C8B: variants seen among roughly 807,000 people sequenced by gnomAD.
C8B encodes complement component C8 beta chain.
A neutral mutation model predicts 64.6 loss-of-function variants in C8B; 67 were observed. The observed-to-expected ratio is 1.04, with a 90% CI of 0.85 to 1.27. The LOEUF is 1.27. Among genes scored for constraint, C8B ranks in the 50% most tolerant of loss-of-function variants. The pLI is 0.00. For synonymous variants in C8B, 284 were observed against 257.7 expected, an observed-to-expected ratio of 1.10 and a Z score of -0.98; for missense variants, 790 against 725.2, an observed-to-expected ratio of 1.09 and a Z score of -1.03.
At chr1:56,952,205 GA>G in intron 4 of C8B, 25 bp from the exon 5 acceptor site, 1 of 1,613,652 alleles carries the variant, frequency 6.2e-7, no homozygotes, top group Non-Finnish European at 8.5e-7. Context: ...CAGAGATGGC[GA>G]AGAGGTTAAA....
chr1:56,938,826 A>T (rs1644809358), intron 9 of C8B, among the ~76,000 whole-genome samples: 2 of 152,258 alleles, frequency 1.3e-5, no homozygotes, highest in Middle Eastern at 6.8e-3. Flanking sequence ...CTACCTGGTA[A>T]GTTGGCTTTG....
At chr1:56,949,804 C>G in intron 5 of C8B, 52 bp from the exon 6 acceptor site, 1 of 1,281,154 alleles carries the variant, frequency 7.8e-7, no homozygotes, top group Non-Finnish European at 1.1e-6. Flanking sequence ...CAAATCAGTT[C>G]AATACCAGTG....
At chr1:56,942,971 C>T (rs984476908) in intron 8 of C8B, among the ~76,000 whole-genome samples, 9 of 151,556 alleles carry the variant, frequency 5.9e-5, no homozygotes, top group East Asian at 3.9e-4. Flanking sequence ...TGGCATGCAC[C>T]GGTAGTCCCA....
chr1:56,946,042 G>A lies in C8B; in HGVS notation c.884C>T (p.Ala295Val), dbSNP rs1644936951. Residue 295 changes from alanine to valine, a missense_variant, in exon 7 of 12, where the codon GCA (alanine) becomes GTA (valine). By Grantham distance (64) the Ala-to-Val change is moderately conservative (BLOSUM62 0). Coordinates refer to ENST00000371237, the MANE Select transcript of C8B (RefSeq NM_000066.4). The stretch of plus-strand genomic sequence containing the variant: ...ATGTGCTACTTCAAGGTCAGAGCGT[G>A]CATGCAGAAATACGCTTTTCTAAAT... ...FSHTKSVFLH[A>V]RSDLEVAHYK... is the part of the protein sequence containing the mutation. The A allele has an allele frequency of 1.9e-6, 3 of 1,614,098 alleles. No individual in the cohort carries two copies. The highest frequency in any genetic ancestry group is 2.2e-5 in the South Asian group (2 of 91,080).
Position 56,929,290 on chromosome 1 carries a change from A to T in C8B, c.*114T>A. The T allele has an allele frequency of 9.6e-7, 1 of 1,045,942 alleles. No individual in the cohort carries two copies. Among genetic ancestry groups the T allele is most frequent in the Non-Finnish European group, 1.5e-6 (1 of 664,492 alleles). The allele number at this position is 1,045,942 out of a possible 1,614,324, so 64.8% of individuals were successfully genotyped here. ...CTTTATTTTAAACAGCTTGCATGGC[A>T]CTGCCTTTTGCCCTTGCATGAACTC... is the stretch of plus-strand genomic sequence containing the variant. On this transcript the variant is annotated 3_prime_UTR_variant, in exon 12 of 12. Coordinates refer to ENST00000371237, the MANE Select transcript of C8B (RefSeq NM_000066.4).
chr1:56,964,909 T>A (rs1053317695), intron 1 of C8B, among the ~76,000 whole-genome samples: 5 of 152,180 alleles, frequency 3.3e-5, no homozygotes, highest in African/African-American at 1.2e-4. Flanking sequence ...GCTTAGTTAT[T>A]CTCTGGGCTA....
chr1:56,953,986 T>A (rs1645062937), intron 4 of C8B, among the ~76,000 whole-genome samples: 1 of 152,212 alleles, frequency 6.6e-6, no homozygotes, highest in Non-Finnish European at 1.5e-5. Flanking sequence ...TGGGTTTTTT[T>A]AGAAAGAAGG....
intron 2 of C8B, chr1:56,959,432 A>C: frequency 1.4e-6 from 1 of 734,526 alleles, no homozygotes; most frequent in Non-Finnish European, 2.4e-6. Context: ...GCTGAGGAGG[A>C]GTCAAAAAGC....
intron 9 of C8B, 100 bp from the exon 10 acceptor site, chr1:56,933,588 G>A (rs1044801635): frequency 7.2e-6 from 7 of 973,302 alleles, no homozygotes; most frequent in Non-Finnish European, 1.1e-5. Flanking sequence ...AGTGTATAGA[G>A]ACCACATGTG....
chr1:56,939,602 C>T (rs895864178), intron 9 of C8B, among the ~76,000 whole-genome samples: 12 of 152,124 alleles, frequency 7.9e-5, no homozygotes, highest in African/African-American at 2.9e-4. Flanking sequence ...GTGCAGAAGT[C>T]CCCACAGGCA....
At chr1:56,963,919 A>G (rs1158350972) in intron 1 of C8B, 15 of 985,316 alleles carry the variant, frequency 1.5e-5, no homozygotes, top group Non-Finnish European at 1.8e-5. Context: ...CTTTTGGCCA[A>G]TACGAAGGTG....
At chr1:56,961,529 C>T (rs567091792) in intron 1 of C8B, among the ~76,000 whole-genome samples, 66 of 152,276 alleles carry the variant, frequency 4.3e-4, no homozygotes, top group African/African-American at 1.5e-3. Flanking sequence ...AGAGTATATA[C>T]GGGTTTTGTC....
At chr1:56,943,088 A>T (rs1570384052) in intron 8 of C8B, among the ~76,000 whole-genome samples, 1 of 151,606 alleles carries the variant, frequency 6.6e-6, no homozygotes, top group Middle Eastern at 3.2e-3. Flanking sequence ...AAATAAAAAT[A>T]AAAAATAAAA....
chr1:56,958,068 T>C lies in C8B; in HGVS notation c.250-1158A>G, dbSNP rs149785553. On this transcript the variant is annotated intron_variant, in intron 2 of 11. Coordinates refer to ENST00000371237, the MANE Select transcript of C8B (RefSeq NM_000066.4). ...TTCCAGAAAACATTAAAAAGATTCA[T>C]TGTGGCTGGGGAGAAGAGCACAAGT... Among the ~76,000 whole-genome samples the C allele has an allele frequency of 4.7e-3, 722 of 152,196 alleles. 5 individuals are homozygous for C. Among genetic ancestry groups the C allele is most frequent in the African/African-American group, 0.016 (670 of 41,518 alleles).
At chr1:56,931,697 G>A (rs1644703400) in intron 11 of C8B, 113 bp downstream of exon 11, 3 of 711,714 alleles carry the variant, frequency 4.2e-6, no homozygotes, top group Non-Finnish European at 5.1e-6. Flanking sequence ...GTTTAAGCAG[G>A]ATGGATCTCA....
At chr1:56,944,142 C>T (rs1488772157) in intron 7 of C8B, among the ~76,000 whole-genome samples, 1 of 152,170 alleles carries the variant, frequency 6.6e-6, no homozygotes, top group African/African-American at 2.4e-5. Context: ...GGGATAGATC[C>T]AGTGAGTACA....
At chr1:56,957,188 C>G (rs1280044364) in intron 2 of C8B, among the ~76,000 whole-genome samples, 3 of 152,162 alleles carry the variant, frequency 2.0e-5, no homozygotes, top group Admixed American at 6.5e-5. Context: ...AGTGATCAGT[C>G]AAGATTTGCT....
chr1:56,941,726 G>A (rs1250041319), intron 8 of C8B, among the ~76,000 whole-genome samples: 6 of 152,194 alleles, frequency 3.9e-5, no homozygotes, highest in Non-Finnish European at 8.8e-5. Context: ...GGCCCACACA[G>A]CTAGTAGCTG....
chr1:56,954,445 C>G (rs886922593), intron 4 of C8B, among the ~76,000 whole-genome samples: 1 of 152,238 alleles, frequency 6.6e-6, no homozygotes, highest in South Asian at 2.1e-4. Flanking sequence ...CACACATGCA[C>G]AGCTCTGTCC....
Sources: gnomAD v4.1 joint callset for allele counts (sites outside exome capture counted in the v4.1 genomes callset) on GRCh38, gnomAD v4.1.1 for gene constraint, MANE v1.5 for transcripts, NCBI Gene and HGNC (gene_info 2026-07-23, HGNC 2026-07-21) for gene names.